The following LRRIQ1 variants were observed in gnomAD, a reference collection of about 807,000 sequenced individuals.
LRRIQ1 encodes the protein leucine-rich repeat- and IQ domain-containing protein 1.
LRRIQ1 carries 210 observed loss-of-function variants against 211.9 expected under a neutral mutation model. The observed-to-expected ratio is 0.99, with a 90% CI of 0.89 to 1.11. The LOEUF is 1.11. Among genes scored for constraint, LRRIQ1 ranks in the 50% most tolerant of loss-of-function variants. The pLI is 0.00. For missense variants in LRRIQ1, 2,136 were observed against 1,939.5 expected (o/e 1.10, Z -1.90); for synonymous variants, 699 against 650.1 (o/e 1.08, Z -1.14).
intron 26 of LRRIQ1, among the ~76,000 whole-genome samples, chr12:85,243,339 T>TATTATG (rs2137267296): frequency 6.8e-6 from 1 of 146,510 alleles, no homozygotes; most frequent in Non-Finnish European, 1.5e-5. Flanking sequence ...TTATTATTAT[T>TATTATG]ATTATTATTA....
At chr12:85,159,099 T>C (rs527812477) in intron 23 of LRRIQ1, among the ~76,000 whole-genome samples, 26 of 152,136 alleles carry the variant, frequency 1.7e-4, no homozygotes, top group African/African-American at 6.3e-4. Flanking sequence ...GCACTATTGC[T>C]CTTGGAGAAT....
At chr12:85,186,758 A>G (rs925390016) in intron 24 of LRRIQ1, among the ~76,000 whole-genome samples, 6 of 152,012 alleles carry the variant, frequency 3.9e-5, no homozygotes, top group African/African-American at 1.2e-4. Flanking sequence ...TTTTATATGT[A>G]TGTAACAATT....
chr12:85,239,398 TAC>T (rs1298879406), intron 26 of LRRIQ1, among the ~76,000 whole-genome samples: 2 of 135,498 alleles, frequency 1.5e-5, no homozygotes, highest in Non-Finnish European at 3.3e-5. Context: ...TGTATATATA[TAC>T]ACACACATAT....
intron 19 of LRRIQ1, among the ~76,000 whole-genome samples, chr12:85,149,336 A>T (rs533242277): frequency 1.7e-4 from 26 of 152,004 alleles, no homozygotes; most frequent in Non-Finnish European, 3.2e-4. Flanking sequence ...TATAAGGTGT[A>T]AGGAAGTTGT....
intron 17 of LRRIQ1, among the ~76,000 whole-genome samples, chr12:85,126,962 G>A (rs1212071976): frequency 6.6e-6 from 1 of 152,130 alleles, no homozygotes. Flanking sequence ...ACTATTTCAA[G>A]GGAGCATTAG....
intron 24 of LRRIQ1, among the ~76,000 whole-genome samples, chr12:85,221,201 T>A (rs1016187599): frequency 8.5e-5 from 13 of 152,174 alleles, no homozygotes; most frequent in Admixed American, 5.9e-4. Context: ...ATTATAATAA[T>A]TAAATTAATC....
At chr12:85,194,753 A>G (rs996326651) in intron 24 of LRRIQ1, among the ~76,000 whole-genome samples, 1 of 152,176 alleles carries the variant, frequency 6.6e-6, no homozygotes, top group Non-Finnish European at 1.5e-5. Flanking sequence ...TAACATCACA[A>G]TTGAAAGAAC....
chr12:85,238,918 G>T (rs1895327999), intron 26 of LRRIQ1, among the ~76,000 whole-genome samples: 1 of 151,890 alleles, frequency 6.6e-6, no homozygotes, highest in South Asian at 2.1e-4. Flanking sequence ...TTTATTCAAG[G>T]ACACACAATA....
Position 85,103,839 on chromosome 12 carries a change from A to C in LRRIQ1, c.3210-165A>C, listed in dbSNP as rs572441647. On this transcript the variant is annotated intron_variant, in intron 13 of 26. Coordinates refer to ENST00000393217, the MANE Select transcript of LRRIQ1 (RefSeq NM_001079910.2). ...GCATTTGTAAAAAGCACTGTTAGCA[A>C]GTGCTATAATTTTATTGTACAATTA... 9.2e-5 allele frequency among the ~76,000 whole-genome samples: 14 copies of C among 151,664 alleles called. No individual in the cohort carries two copies. In the East Asian group the frequency reaches 2.7e-3, roughly 29 times the overall value.
At chr12:85,232,625 T>C (rs376697027) in intron 25 of LRRIQ1, 71 bp from the exon 26 acceptor site, 886 of 1,228,380 alleles carry the variant, frequency 7.2e-4, no homozygotes, top group Middle Eastern at 3.1e-3. Context: ...AGCTTTTTAG[T>C]TGGACGTTTC....
chr12:85,269,392 C>A (rs894677459), downstream of LRRIQ1, among the ~76,000 whole-genome samples: 12 of 151,874 alleles, frequency 7.9e-5, no homozygotes, highest in African/African-American at 2.4e-4. Flanking sequence ...TAATTTAATT[C>A]AAATATGAAG....
chr12:85,149,236 CCTGAATGGT>C (rs1407099544), intron 19 of LRRIQ1, among the ~76,000 whole-genome samples: 1 of 151,970 alleles, frequency 6.6e-6, no homozygotes, highest in Non-Finnish European at 1.5e-5. Flanking sequence ...ATGCCTGTGT[CCTGAATGGT>C]ATTACCTAGG....
chr12:85,191,592 GA>G (rs1348779653), intron 24 of LRRIQ1, among the ~76,000 whole-genome samples: 4 of 151,998 alleles, frequency 2.6e-5, no homozygotes, highest in African/African-American at 9.7e-5. Context: ...TAGTTGTTCT[GA>G]AGTTTTAACA....
intron 11 of LRRIQ1, among the ~76,000 whole-genome samples, chr12:85,079,244 C>CTTTTTTT (rs3058476): frequency 1.1e-3 from 118 of 103,552 alleles, no homozygotes; most frequent in East Asian, 3.9e-3. Flanking sequence ...GTATCTTTAT[C>CTTTTTTT]TTTTTTTTTT....
chr12:85,046,086 G>A lies in LRRIQ1; in HGVS notation c.403G>A (p.Val135Ile), dbSNP rs149503974. Reference protein sequence around the residue: ...SKTDCATPDFVPEPSPHDLPM... With the variant: ...SKTDCATPDFIPEPSPHDLPM... ...AACCGATTGTGCCACTCCTGATTTT[G>A]TTCCTGAGCCTAGTCCTCATGACTT... is the stretch of plus-strand genomic sequence containing the variant. Residue 135 changes from valine (V) to isoleucine (I), a missense_variant, in exon 5 of 27, where the codon GTT becomes ATT. Physicochemically the swap from Val to Ile is conservative, Grantham distance 29. Coordinates refer to ENST00000393217, the MANE Select transcript of LRRIQ1 (RefSeq NM_001079910.2). 3 of 1,611,794 alleles carry A rather than the reference G, an allele frequency of 1.9e-6. No individual in the cohort carries two copies. The African/African-American group carries it at 4.0e-5, about 21-fold the overall frequency.
At chr12:85,257,015 AAT>A (rs1169822321) in intron 1 of LRRIQ1, among the ~76,000 whole-genome samples, 3 of 113,160 alleles carry the variant, frequency 2.7e-5, no homozygotes, top group African/African-American at 9.5e-5. Flanking sequence ...GCTGAAATGT[AAT>A]ATATATACAT....
Position 85,128,042 on chromosome 12 carries a change from C to G in LRRIQ1, c.4209+9C>G, listed in dbSNP as rs781705215. On this transcript the variant is annotated intron_variant, in intron 18 of 26. Coordinates refer to ENST00000393217, the MANE Select transcript of LRRIQ1 (RefSeq NM_001079910.2). Reference sequence around the variant, plus strand: ...CTGCTATTCTTATTCAGGTTAATTTCAATCTTTTGGTAACATAGTTACAAA... The same window carrying G: ...CTGCTATTCTTATTCAGGTTAATTTGAATCTTTTGGTAACATAGTTACAAA... The G allele has an allele frequency of 6.3e-7, 1 of 1,579,300 alleles. No homozygotes were observed. The highest frequency in any genetic ancestry group is 8.7e-7 in the Non-Finnish European group (1 of 1,149,142).
chr12:85,222,647 T>G (rs921940260), intron 24 of LRRIQ1, among the ~76,000 whole-genome samples: 2 of 151,968 alleles, frequency 1.3e-5, no homozygotes, highest in African/African-American at 4.8e-5. Context: ...CTCATCTGAT[T>G]AGGGAAGGAG....
At chr12:85,229,203 G>T (rs1894813128) in intron 24 of LRRIQ1, among the ~76,000 whole-genome samples, 1 of 152,014 alleles carries the variant, frequency 6.6e-6, no homozygotes, top group Non-Finnish European at 1.5e-5. Flanking sequence ...TTTTATATTA[G>T]AAAAATTCTA....
Sources: allele counts gnomAD v4.1 joint callset (sites outside exome capture counted in the v4.1 genomes callset), GRCh38; gene constraint gnomAD v4.1.1; transcripts MANE v1.5; gene names NCBI Gene and HGNC (gene_info 2026-07-23, HGNC 2026-07-21).